The following NSMCE2 variants were observed in gnomAD, a reference collection of about 807,000 sequenced individuals.
The protein encoded by NSMCE2 is NSE2 SUMO ligase component of SMC5/6 complex.
A neutral mutation model predicts 23.8 loss-of-function variants in NSMCE2; 24 were observed. That is an observed-to-expected ratio of 1.01 (90% CI 0.73 to 1.42). NSMCE2 has a LOEUF of 1.42. Among genes scored for constraint, NSMCE2 ranks in the 40% most tolerant of loss-of-function variants. The pLI, the probability that NSMCE2 is intolerant of heterozygous loss-of-function variation, is 0.00. For missense variants in NSMCE2, 284 were observed against 296.5 expected, an observed-to-expected ratio of 0.96 and a Z score of 0.31; for synonymous variants, 92 against 94.1, an observed-to-expected ratio of 0.98 and a Z score of 0.13.
In NSMCE2 at chr8:125,182,217, G is replaced by A; in HGVS notation, c.379G>A (p.Val127Ile). ...DADFQNNEKF[V>I]QFKQQLKELK... The stretch of plus-strand genomic sequence containing the variant: ...AGACTTTCAAAATAATGAAAAATTT[G>A]TACAGTTTAAACAACAGCTGAAAGA... Residue 127 changes from valine (V) to isoleucine (I), a missense_variant, in exon 5 of 8, where the codon GTA (valine) becomes ATA (isoleucine). By Grantham distance (29) the Val-to-Ile change is conservative. This residue lies in a region of NSMCE2 where 182 missense variants were observed against 155.5 expected (regional missense o/e 1.17). Transcript: ENST00000287437. 6.2e-7 allele frequency: 1 copy of A among 1,608,782 alleles called. No homozygotes were observed. The highest frequency in any genetic ancestry group is 8.5e-7 in the Non-Finnish European group (1 of 1,177,626).
intron 1 of NSMCE2, among the ~76,000 whole-genome samples, chr8:125,093,691 C>T (rs564460373): frequency 6.6e-6 from 1 of 152,136 alleles, no homozygotes; most frequent in South Asian, 2.1e-4. Context: ...CCACTGCACT[C>T]CAGTTTGGGC....
rs567614565 is a variant in NSMCE2 at position 125,312,170 on chromosome 8, A to C, written c.419-45049A>C. 1.4e-4 allele frequency among the ~76,000 whole-genome samples: 22 copies of C among 152,222 alleles called. No homozygotes were observed. The South Asian group carries it at 1.4e-3, about 10-fold the overall frequency. On this transcript the variant is annotated intron_variant, in intron 5 of 7. Coordinates refer to ENST00000287437, the MANE Select transcript of NSMCE2 (RefSeq NM_173685.4). ...CTGTAGAAATAATGAACTCTCTGAG[A>C]CATTTAATAAACTTTGATGTCTCTG...
intron 5 of NSMCE2, among the ~76,000 whole-genome samples, chr8:125,281,973 G>A (rs543403670): frequency 6.6e-6 from 1 of 152,214 alleles, no homozygotes; most frequent in African/African-American, 2.4e-5. Flanking sequence ...TCTAACTCCT[G>A]CAGGGGCCAG....
intron 3 of NSMCE2, among the ~76,000 whole-genome samples, chr8:125,110,761 T>TG (rs1818697044): frequency 7.0e-6 from 1 of 141,876 alleles, no homozygotes; most frequent in African/African-American, 2.9e-5. Flanking sequence ...TGGTTGTTGT[T>TG]GTTTTTTTTT....
At chr8:125,176,640 TACTA>T (rs1322414384) in intron 4 of NSMCE2, among the ~76,000 whole-genome samples, 1 of 152,222 alleles carries the variant, frequency 6.6e-6, no homozygotes, top group Non-Finnish European at 1.5e-5. Flanking sequence ...GTAACAACAA[TACTA>T]ACAGCTACTC....
intron 4 of NSMCE2, among the ~76,000 whole-genome samples, chr8:125,153,251 C>T (rs549529305): frequency 6.6e-6 from 1 of 152,128 alleles, no homozygotes; most frequent in African/African-American, 2.4e-5. Context: ...TCAGCCCTAA[C>T]CTCACACTAG....
intron 5 of NSMCE2, among the ~76,000 whole-genome samples, chr8:125,302,046 C>T (rs1035123555): frequency 2.0e-5 from 3 of 151,934 alleles, no homozygotes; most frequent in Non-Finnish European, 2.9e-5. Context: ...TCAAATTCTG[C>T]CTCCCAGGAT....
intron 5 of NSMCE2, among the ~76,000 whole-genome samples, chr8:125,277,457 T>C (rs948713454): frequency 1.3e-5 from 2 of 151,762 alleles, no homozygotes; most frequent in African/African-American, 4.8e-5. Context: ...CAGGATTGAA[T>C]ATAAGTGTTT....
chr8:125,317,906 G>A (rs1288908108), intron 5 of NSMCE2, among the ~76,000 whole-genome samples: 3 of 152,150 alleles, frequency 2.0e-5, no homozygotes, highest in African/African-American at 7.2e-5. Context: ...GATATTTTTA[G>A]ATGCCCTCAG....
At position 125,160,528 on chromosome 8, in the gene NSMCE2, T is replaced by A. The variant is rs1344306482; in HGVS notation, c.264+9251T>A. 2.6e-5 allele frequency among the ~76,000 whole-genome samples: 4 copies of A among 152,264 alleles called. No individual in the cohort carries two copies. In the East Asian group the frequency reaches 7.7e-4, roughly 29 times the overall value. The stretch of plus-strand genomic sequence containing the variant: ...TGTGACCAGAAAGGATTGTTCAGAA[T>A]CAGGGGAACTGGGCCAATGCAGAGG... On this transcript the variant is annotated intron_variant, in intron 4 of 7. Transcript: ENST00000287437.
chr8:125,312,284 AAATTT>A (rs1266066008), intron 5 of NSMCE2, among the ~76,000 whole-genome samples: 2 of 152,120 alleles, frequency 1.3e-5, no homozygotes, highest in Admixed American at 1.3e-4. Flanking sequence ...AATGGTTTTT[AAATTT>A]AATTTCTCCA....
intron 5 of NSMCE2, among the ~76,000 whole-genome samples, chr8:125,306,361 A>T (rs1828764656): frequency 8.0e-6 from 1 of 125,604 alleles, no homozygotes; most frequent in Admixed American, 8.6e-5. Flanking sequence ...ATATATATTA[A>T]AAAAAAAAAA....
intron 5 of NSMCE2, among the ~76,000 whole-genome samples, chr8:125,311,646 G>A (rs1189428636): frequency 2.6e-5 from 4 of 152,200 alleles, no homozygotes; most frequent in Non-Finnish European, 1.5e-5. Context: ...GGAATTGTCA[G>A]CTGAAATCAT....
intron 5 of NSMCE2, among the ~76,000 whole-genome samples, chr8:125,336,514 GC>G (rs1365697437): frequency 2.0e-4 from 31 of 152,334 alleles, no homozygotes; most frequent in African/African-American, 7.5e-4. Context: ...AGAGTCAGAA[GC>G]TATGAGAGGA....
intron 5 of NSMCE2, among the ~76,000 whole-genome samples, chr8:125,230,469 A>G (rs1441016170): frequency 6.6e-6 from 1 of 152,174 alleles, no homozygotes; most frequent in Non-Finnish European, 1.5e-5. Context: ...ATTGATGTTC[A>G]AAGCGTGAAC....
At chr8:125,239,078 G>A (rs1462541456) in intron 5 of NSMCE2, among the ~76,000 whole-genome samples, 2 of 152,182 alleles carry the variant, frequency 1.3e-5, no homozygotes, top group African/African-American at 4.8e-5. Context: ...TTCCTTTGAT[G>A]TTAATGAGGA....
chr8:125,204,805 C>T (rs977370580), intron 5 of NSMCE2, among the ~76,000 whole-genome samples: 2 of 152,196 alleles, frequency 1.3e-5, no homozygotes, highest in South Asian at 2.1e-4. Flanking sequence ...CTTTCTGCCC[C>T]CACTACTATT....
At chr8:125,354,419 G>A (rs896715226) in intron 5 of NSMCE2, among the ~76,000 whole-genome samples, 3 of 152,030 alleles carry the variant, frequency 2.0e-5, no homozygotes, top group East Asian at 1.9e-4. Flanking sequence ...ATGTATTTTC[G>A]ATTACCGGAT....
At chr8:125,177,907 C>G (rs1027942896) in intron 4 of NSMCE2, among the ~76,000 whole-genome samples, 1 of 152,170 alleles carries the variant, frequency 6.6e-6, no homozygotes, top group South Asian at 2.1e-4. Flanking sequence ...CAAAGTCTTA[C>G]AGTTTCAGTG....
Sources: gnomAD v4.1 joint callset for allele counts (sites outside exome capture counted in the v4.1 genomes callset) on GRCh38, gnomAD v4.1.1 for gene constraint, gnomAD v4.1.1 regional missense constraint, MANE v1.5 for transcripts, NCBI Gene and HGNC (gene_info 2026-07-23, HGNC 2026-07-21) for gene names.